Variants in CHAF1B observed in about 807,000 individuals in gnomAD.
CHAF1B encodes CAF-1 subunit B.
CHAF1B carries 10 observed loss-of-function variants against 60.7 expected under a neutral mutation model. That is an observed-to-expected ratio of 0.16 (90% CI 0.10 to 0.28). The LOEUF (loss-of-function observed/expected upper bound fraction) is 0.28, where lower values mean the gene tolerates loss of function less well. Among genes scored for constraint, CHAF1B ranks in the 10% least tolerant of loss-of-function variants. The probability of loss-of-function intolerance (pLI) is 1.00; values close to 1 mark genes in which losing one functional copy is unlikely to be tolerated. For missense variants in CHAF1B, 558 were observed against 708.4 expected (o/e 0.79, Z 2.41); for synonymous variants, 261 against 266.1 (o/e 0.98, Z 0.19).
chr21:36,409,867 T>C lies in CHAF1B; in HGVS notation c.919+402T>C, dbSNP rs535496439. 9.2e-5 allele frequency among the ~76,000 whole-genome samples: 14 copies of C among 152,038 alleles called. No homozygotes were observed. The East Asian group carries it at 2.3e-3, about 25-fold the overall frequency. ...AAAATACATGTCAGTTTTTTTTTTT[T>C]TTTCTTTCTTCAGGATATATTTTCT... On this transcript the variant is annotated intron_variant, in intron 10 of 13. Coordinates refer to ENST00000314103, the MANE Select transcript of CHAF1B (RefSeq NM_005441.3).
At chr21:36,401,258 ACT>A (rs1431845209) in intron 7 of CHAF1B, among the ~76,000 whole-genome samples, 1 of 148,572 alleles carries the variant, frequency 6.7e-6, no homozygotes, top group Non-Finnish European at 1.5e-5. Context: ...CAAGAGCGAA[ACT>A]CTGGCTCAAA....
intron 2 of CHAF1B, 72 bp downstream of exon 2, chr21:36,386,334 C>T (rs2086033937): frequency 3.8e-6 from 6 of 1,568,284 alleles, no homozygotes; most frequent in Non-Finnish European, 5.2e-6. Context: ...TACTTAAAAC[C>T]AGTGTCGGCT....
chr21:36,386,873 C>T (rs2086039437), intron 2 of CHAF1B, among the ~76,000 whole-genome samples: 2 of 152,140 alleles, frequency 1.3e-5, no homozygotes, highest in Non-Finnish European at 2.9e-5. Context: ...ATCACCACAC[C>T]TGGCTAATTT....
At chr21:36,397,066 C>T (rs897200813) in intron 5 of CHAF1B, among the ~76,000 whole-genome samples, 5 of 152,202 alleles carry the variant, frequency 3.3e-5, no homozygotes, top group Non-Finnish European at 5.9e-5. Context: ...ACAATACCTT[C>T]TTCCACCCTT....
At chr21:36,411,956 T>C (rs1459620615) in intron 11 of CHAF1B, among the ~76,000 whole-genome samples, 1 of 152,062 alleles carries the variant, frequency 6.6e-6, no homozygotes, top group South Asian at 2.1e-4. Context: ...ATCAAACTCC[T>C]GGGCTCAACG....
intron 8 of CHAF1B, among the ~76,000 whole-genome samples, chr21:36,403,661 C>G (rs1424160835): frequency 6.6e-6 from 1 of 152,098 alleles, no homozygotes; most frequent in East Asian, 1.9e-4. Flanking sequence ...TGGTCAAAAT[C>G]AAAAGGTCAG....
chr21:36,394,511 G>A, intron 4 of CHAF1B, 36 bp from the exon 5 acceptor site: 3 of 1,433,122 alleles, frequency 2.1e-6, no homozygotes, highest in Non-Finnish European at 2.9e-6. Flanking sequence ...TACCTGGGGA[G>A]TAATTGCTTT....
rs149193400 is a variant in CHAF1B, at chr21:36,399,537, A to C, written c.595A>C (p.Ser199Arg). 225 of 1,613,908 alleles carry C rather than the reference A, an allele frequency of 1.4e-4. No individual in the cohort carries two copies. The highest frequency in any genetic ancestry group is 1.9e-4 in the Non-Finnish European group (219 of 1,179,884). The change falls in exon 7 of 14, where the codon AGT becomes CGT. Residue 199 changes from serine to arginine, a missense_variant. Around this residue, in one of 2 missense-constraint regions of CHAF1B, gnomAD observed 325 missense variants for 493.5 expected, o/e 0.66. Transcript: ENST00000314103. The part of the protein sequence containing the change: ...LSCDRVLRVY[S>R]IQKKRVAFNV... ...TTTCTTCAGGGTGCTGCGAGTATAC[A>C]GTATACAGAAGAAGCGTGTGGCTTT...
At chr21:36,414,694 C>A (rs1013941310) in intron 12 of CHAF1B, among the ~76,000 whole-genome samples, 1 of 152,150 alleles carries the variant, frequency 6.6e-6, no homozygotes. Context: ...TCACTGCAAC[C>A]TCCGCCTTCT....
rs527715934 is a variant in CHAF1B, at chr21:36,412,229, C to T, written c.1061+625C>T. On this transcript the variant is annotated intron_variant, in intron 11 of 13. Coordinates refer to ENST00000314103, the MANE Select transcript of CHAF1B (RefSeq NM_005441.3). ...ACTTCTGAGGCCCTCTGGGAGGAAG[C>T]CCTTCCCTGCATGCCCCTGCTGCCC... 3.2e-4 allele frequency among the ~76,000 whole-genome samples: 48 copies of T among 152,318 alleles called. 1 individual carries two copies. The highest frequency in any genetic ancestry group is 1.0e-3 in the Admixed American group (16 of 15,286).
chr21:36,402,926 T>G, intron 8 of CHAF1B, 75 bp downstream of exon 8: 1 of 1,212,144 alleles, frequency 8.2e-7, no homozygotes, highest in Non-Finnish European at 1.2e-6. Flanking sequence ...CGCTGCAGCT[T>G]ATCAGCTCAG....
At chr21:36,402,407 C>T (rs550678899) in intron 7 of CHAF1B, among the ~76,000 whole-genome samples, 3 of 152,196 alleles carry the variant, frequency 2.0e-5, no homozygotes, top group African/African-American at 7.2e-5. Context: ...GTCTCAGGCC[C>T]CAGACATGCC....
Position 36,386,235 on chromosome 21 carries a change from G to A in CHAF1B, c.99G>A (p.Ala33=), listed in dbSNP as rs772810675. The change falls in exon 2 of 14, where the codon GCG becomes GCA. Residue 33 remains alanine (A), a synonymous_variant. Coordinates refer to ENST00000314103, the MANE Select transcript of CHAF1B (RefSeq NM_005441.3). ...CGGCTGGGAGGATCCACAGACTGGC[G>A]TCTGCCGGCGTGGACACCAATGTCA... ...HGTAGRIHRL[A]SAGVDTNVRI... The A allele has an allele frequency of 6.2e-6, 10 of 1,614,208 alleles. No individual in the cohort carries two copies. The Admixed American group carries it at 1.2e-4, about 19-fold the overall frequency.
In CHAF1B at chr21:36,416,951, A is replaced by G. The variant is rs2086324455; in HGVS notation, c.*585A>G. ...AAGTAACCCTCGTTAATGTTGTAGT[A>G]TATTTCCTTAGCATTTTTGTGGATC... is the stretch of plus-strand genomic sequence containing the variant. On this transcript the variant is annotated 3_prime_UTR_variant, in exon 14 of 14. Coordinates refer to ENST00000314103, the MANE Select transcript of CHAF1B (RefSeq NM_005441.3). 1 of 152,202 alleles carries G rather than the reference A, an allele frequency of 6.6e-6. No homozygotes were observed. Among genetic ancestry groups the G allele is most frequent in the Non-Finnish European group, 1.5e-5 (1 of 68,032 alleles). 9.4% of individuals were successfully genotyped at this position (152,202 alleles called of 1,614,324 possible).
At chr21:36,404,054 A>C (rs547562970) in intron 8 of CHAF1B, among the ~76,000 whole-genome samples, 1 of 151,888 alleles carries the variant, frequency 6.6e-6, no homozygotes, top group South Asian at 2.1e-4. Flanking sequence ...TATTTACTAA[A>C]GTTAGTTATT....
intron 7 of CHAF1B, among the ~76,000 whole-genome samples, chr21:36,401,865 C>G (rs965767349): frequency 3.3e-5 from 5 of 151,592 alleles, no homozygotes; most frequent in Admixed American, 6.6e-5. Context: ...CTCAGCCTCC[C>G]GAGAAGCTGG....
At chr21:36,389,800 T>TGTGTGTGTGCGCGCGCGCGCGC in intron 3 of CHAF1B, among the ~76,000 whole-genome samples, 15 of 124,794 alleles carry the variant, frequency 1.2e-4, no homozygotes, top group Admixed American at 3.8e-4. Context: ...TGTGTGTGTG[T>TGTGTGTGTGCGCGCGCGCGCGC]GCGCGCGCAC....
At position 36,418,809 on chromosome 21, in the gene CHAF1B, A is replaced by G. The variant is rs1335933985; in HGVS notation, c.*2443A>G. On this transcript the variant is annotated 3_prime_UTR_variant, in exon 14 of 14. Coordinates refer to ENST00000314103, the MANE Select transcript of CHAF1B (RefSeq NM_005441.3). Reference sequence around the variant, plus strand: ...GTTTGTAGTGAGCTGAGATGGTGCCACTGTACTCCAGCCTGGGCGACAGAG... The same window carrying G: ...GTTTGTAGTGAGCTGAGATGGTGCCGCTGTACTCCAGCCTGGGCGACAGAG... 6.6e-6 allele frequency: 1 copy of G among 151,160 alleles called. No individual in the cohort carries two copies. The highest frequency in any genetic ancestry group is 2.4e-5 in the African/African-American group (1 of 40,828). The allele number at this position is 151,160 out of a possible 1,614,324, so 9.4% of individuals were successfully genotyped here.
rs375381530 is a variant in CHAF1B, at chr21:36,415,366, C to A, written c.1565C>A (p.Pro522His). The A allele has an allele frequency of 1.9e-5, 30 of 1,605,704 alleles. 2 individuals are homozygous for A. The highest frequency in any genetic ancestry group is 3.3e-4 in the Middle Eastern group (2 of 6,066). ...SSVPTSVIST[P>H]STEEIQSETP... ...GTACCAACCAGTGTGATTTCCACCC[C>A]TTCTACAGAAGAAATTCAGTCAGGT... is the stretch of plus-strand genomic sequence containing the variant. The change falls in exon 13 of 14, where the codon CCT becomes CAT. Residue 522 changes from proline (P) to histidine (H), a missense_variant. Transcript: ENST00000314103.
Sources: gnomAD v4.1 joint callset for allele counts (sites outside exome capture counted in the v4.1 genomes callset) on GRCh38, gnomAD v4.1.1 for gene constraint, gnomAD v4.1.1 regional missense constraint, MANE v1.5 for transcripts, NCBI Gene and HGNC (gene_info 2026-07-23, HGNC 2026-07-21) for gene names.